Variants in ZNF521 observed in about 807,000 individuals in gnomAD.
ZNF521 encodes the protein zinc finger protein 521, also known as LYST-interacting protein 3.
ZNF521 carries 14 observed loss-of-function variants against 105.5 expected under a neutral mutation model. The observed-to-expected ratio is 0.13, with a 90% CI of 0.09 to 0.21. ZNF521 has a LOEUF of 0.21. ZNF521 is among the 10% of genes least tolerant of loss of function. The probability of loss-of-function intolerance (pLI) is 1.00; values close to 1 mark genes in which losing one functional copy is unlikely to be tolerated. For synonymous variants in ZNF521, 635 were observed against 606.0 expected, an observed-to-expected ratio of 1.05 and a Z score of -0.70; for missense variants, 1,233 against 1,629.7, an observed-to-expected ratio of 0.76 and a Z score of 4.19.
chr18:25,091,345 T>C (rs1055743701), intron 6 of ZNF521, among the ~76,000 whole-genome samples: 6 of 152,176 alleles, frequency 3.9e-5, no homozygotes, highest in Non-Finnish European at 7.3e-5. Context: ...TTTTTTTTTC[T>C]GCTAAAATCT....
chr18:25,256,700 A>C (rs367823847), intron 3 of ZNF521, among the ~76,000 whole-genome samples: 12 of 152,068 alleles, frequency 7.9e-5, no homozygotes, highest in African/African-American at 2.4e-4. Context: ...CTTAGTCTGC[A>C]GTCCTTTGTG....
chr18:25,120,844 AG>A (rs1411599999), intron 5 of ZNF521, among the ~76,000 whole-genome samples: 1 of 152,180 alleles, frequency 6.6e-6, no homozygotes, highest in East Asian at 1.9e-4. Flanking sequence ...CTTTTGAAGC[AG>A]TCTTTTCTCA....
At chr18:25,142,239 C>A (rs1456168199) in intron 5 of ZNF521, among the ~76,000 whole-genome samples, 2 of 152,150 alleles carry the variant, frequency 1.3e-5, no homozygotes, top group East Asian at 3.9e-4. Context: ...TTTCCTAGAT[C>A]TTTCAAGTTC....
intron 4 of ZNF521, among the ~76,000 whole-genome samples, chr18:25,215,734 T>C (rs2036268414): frequency 6.6e-6 from 1 of 152,116 alleles, no homozygotes; most frequent in South Asian, 2.1e-4. Flanking sequence ...CTAGGAATGG[T>C]AGATGCAGCA....
chr18:25,093,785 G>T (rs1157128395), intron 5 of ZNF521, among the ~76,000 whole-genome samples: 2 of 152,020 alleles, frequency 1.3e-5, no homozygotes, highest in East Asian at 1.9e-4. Context: ...CATGACAAGG[G>T]GTTATACAAA....
intron 5 of ZNF521, among the ~76,000 whole-genome samples, chr18:25,176,829 ACACT>A (rs2035542833): frequency 6.6e-6 from 1 of 152,240 alleles, no homozygotes; most frequent in Non-Finnish European, 1.5e-5. Context: ...AAAATTCTAG[ACACT>A]CACACATGCT....
intron 5 of ZNF521, among the ~76,000 whole-genome samples, chr18:25,116,897 A>ACGTATATC (rs1198760891): frequency 3.8e-5 from 2 of 51,996 alleles, no homozygotes; most frequent in South Asian, 4.6e-4. Context: ...ACGTATATAT[A>ACGTATATC]TATGTGTATA....
At position 25,218,915 on chromosome 18, in the gene ZNF521, T is replaced by C. The variant is rs74557725; in HGVS notation, c.3573+5430A>G. 6.3e-3 allele frequency among the ~76,000 whole-genome samples: 954 copies of C among 152,092 alleles called. 6 individuals are homozygous for C. The highest frequency in any genetic ancestry group is 0.022 in the African/African-American group (897 of 41,484). On this transcript the variant is annotated intron_variant, in intron 4 of 7. Transcript: ENST00000361524. ...GGTTTGAACTGCATAGGTCCACTTA[T>C]ATGTGTATTTTCTGCCTCTGCCACC...
In ZNF521 at chr18:25,351,985, G is replaced by A. The variant is rs576111033; in HGVS notation, c.-2+20C>T. 10 of 430,654 alleles carry A rather than the reference G, an allele frequency of 2.3e-5. No individual in the cohort carries two copies. The East Asian group carries it at 3.9e-4, about 17-fold the overall frequency. The allele number at this position is 430,654 out of a possible 1,614,324, so 26.7% of individuals were successfully genotyped here. On this transcript the variant is annotated intron_variant, in intron 1 of 7. Coordinates refer to ENST00000361524, the MANE Select transcript of ZNF521 (RefSeq NM_015461.3). ...GAGGAGGAGAAGGAGTGTGCTGTGTGCTCCCTCCTCATCACAAACCTGCAA... is the reference window on the plus strand; with the variant it reads ...GAGGAGGAGAAGGAGTGTGCTGTGTACTCCCTCCTCATCACAAACCTGCAA...
At chr18:25,306,795 G>GAGTAAA (rs1488681246) in intron 3 of ZNF521, among the ~76,000 whole-genome samples, 3 of 151,008 alleles carry the variant, frequency 2.0e-5, no homozygotes, top group African/African-American at 7.3e-5. Flanking sequence ...ACAAAAATTG[G>GAGTAAA]AGTAAGGCTG....
chr18:25,226,577 G>A lies in ZNF521; in HGVS notation c.1341C>T (p.Pro447=), dbSNP rs953933281. 3 of 1,614,022 alleles carry A rather than the reference G, an allele frequency of 1.9e-6. No homozygotes were observed. The highest frequency in any genetic ancestry group is 2.5e-6 in the Non-Finnish European group (3 of 1,180,030). ...HICQYCLEVL[P]SLYNLNEHLK... The stretch of plus-strand genomic sequence containing the variant: ...GATGTTCATTTAGGTTATAGAGTGA[G>A]GGCAGGACCTCCAAGCAATACTGAC... Residue 447 remains proline, a synonymous_variant, in exon 4 of 8, where the codon CCC becomes CCT. Coordinates refer to ENST00000361524, the MANE Select transcript of ZNF521 (RefSeq NM_015461.3). The surrounding 1 kb of genome is among the most constrained non-coding windows in gnomAD (Gnocchi z 4.1).
chr18:25,322,376 C>G, intron 2 of ZNF521, 189 bp from the exon 3 acceptor site: 1 of 725,428 alleles, frequency 1.4e-6, no homozygotes. Flanking sequence ...TAGTGACTAT[C>G]AAAGGCCTTC....
intron 5 of ZNF521, among the ~76,000 whole-genome samples, chr18:25,148,168 T>TAGATAGGGAAATAGATAATGAATCCTGGG (rs1417974256): frequency 1.3e-5 from 2 of 152,270 alleles, no homozygotes; most frequent in East Asian, 3.9e-4. Flanking sequence ...AAAAAAGACT[T>TAGATAGGGAAATAGATAATGAATCCTGGG]AGATAGGGAA....
intron 3 of ZNF521, among the ~76,000 whole-genome samples, chr18:25,311,024 T>A (rs187937368): frequency 3.3e-5 from 5 of 152,270 alleles, no homozygotes; most frequent in Non-Finnish European, 2.9e-5. Flanking sequence ...TCAGAGTTTG[T>A]GGAATAATCA....
intron 4 of ZNF521, among the ~76,000 whole-genome samples, chr18:25,204,370 T>C (rs745808612): frequency 2.0e-5 from 3 of 152,104 alleles, no homozygotes; most frequent in Non-Finnish European, 2.9e-5. Flanking sequence ...TTTTCAAAGG[T>C]ATCCCCAATA....
chr18:25,145,432 G>A (rs2034925066), intron 5 of ZNF521, among the ~76,000 whole-genome samples: 1 of 152,076 alleles, frequency 6.6e-6, no homozygotes, highest in Admixed American at 6.6e-5. Flanking sequence ...ACTCTCAACA[G>A]TGGCAAAACC....
At chr18:25,322,554 C>G (rs1389427312) in intron 2 of ZNF521, among the ~76,000 whole-genome samples, 1 of 109,462 alleles carries the variant, frequency 9.1e-6, no homozygotes, top group African/African-American at 3.1e-5. Flanking sequence ...AAAAAAAAAA[C>G]CCCCCCACTG....
chr18:25,269,999 T>C (rs941531050), intron 3 of ZNF521, among the ~76,000 whole-genome samples: 2 of 151,714 alleles, frequency 1.3e-5, no homozygotes, highest in Non-Finnish European at 2.9e-5. Context: ...CAGGAGCTGG[T>C]TTTTGAAAAG....
At chr18:25,117,919 A>G (rs1050315158) in intron 5 of ZNF521, among the ~76,000 whole-genome samples, 17 of 152,262 alleles carry the variant, frequency 1.1e-4, no homozygotes, top group African/African-American at 4.1e-4. Context: ...AAAGTATAAG[A>G]AAACCACATA....
Sources: gnomAD v4.1 joint callset for allele counts (sites outside exome capture counted in the v4.1 genomes callset) on GRCh38, gnomAD v4.1.1 for gene constraint, Gnocchi (gnomAD v3.1) non-coding constraint, MANE v1.5 for transcripts, NCBI Gene and HGNC (gene_info 2026-07-23, HGNC 2026-07-21) for gene names.